PAK1IP1: variants seen among roughly 807,000 people sequenced by gnomAD.
PAK1IP1 encodes PAK1 interacting protein 1.
In PAK1IP1, 24 loss-of-function variants were observed where a neutral mutation model predicts 42.0. That is an observed-to-expected ratio of 0.57 (90% confidence interval 0.41 to 0.80). The LOEUF is 0.80. PAK1IP1 is among the 30% of genes least tolerant of loss of function. The pLI is 0.00. For missense variants in PAK1IP1, 411 were observed against 467.9 expected (o/e 0.88, Z 1.12); for synonymous variants, 154 against 156.7 (o/e 0.98, Z 0.13).
At position 10,709,673 on chromosome 6, in the gene PAK1IP1, TATATA is replaced by T. The variant is rs1770323720; in HGVS notation, c.*226_*230del. The T allele has an allele frequency of 9.6e-6, 3 of 313,244 alleles. No individual in the cohort carries two copies. The highest frequency in any genetic ancestry group is 5.5e-5 in the East Asian group (1 of 18,312). 19.4% of individuals were successfully genotyped at this position (313,244 alleles called of 1,614,324 possible). On this transcript the variant is annotated 3_prime_UTR_variant, in exon 10 of 10. Transcript: ENST00000379568. ...TTTTATGAATTATGTATCATGTTGA[TATATA>T]ATATGTTAATGTGTCATGTAATTTT...
chr6:10,693,227 A>G (rs1769510310), upstream of PAK1IP1, among the ~76,000 whole-genome samples: 1 of 152,156 alleles, frequency 6.6e-6, no homozygotes, highest in African/African-American at 2.4e-5. Flanking sequence ...GGACAACCCA[A>G]AGGCGTAAGG....
Position 10,703,401 on chromosome 6 carries a change from G to A in PAK1IP1, c.444-4G>A. On this transcript the variant is annotated splice_polypyrimidine_tract_variant and splice_region_variant and intron_variant, in intron 4 of 9. Coordinates refer to ENST00000379568, the MANE Select transcript of PAK1IP1 (RefSeq NM_017906.3). The stretch of plus-strand genomic sequence containing the variant: ...ACACCGTAAGTGAGCTTCCTGTTTT[G>A]CAGAACGTGGAATCTTGTAGAAGGA... 1.2e-6 allele frequency: 2 copies of A among 1,608,854 alleles called. No individual in the cohort carries two copies. Among genetic ancestry groups the A allele is most frequent in the Non-Finnish European group, 1.7e-6 (2 of 1,176,240 alleles).
At chr6:10,704,956 C>A in intron 7 of PAK1IP1, 112 bp downstream of exon 7, 1 of 718,604 alleles carries the variant, frequency 1.4e-6, no homozygotes. Context: ...AATAATCAGA[C>A]ATATCTACAT....
At chr6:10,703,182 T>C (rs1454153540) in intron 4 of PAK1IP1, among the ~76,000 whole-genome samples, 2 of 152,150 alleles carry the variant, frequency 1.3e-5, no homozygotes, top group African/African-American at 2.4e-5. Context: ...AAGGGAAACC[T>C]TTTGAAAATA....
intron 2 of PAK1IP1, among the ~76,000 whole-genome samples, chr6:10,700,985 C>A (rs917956055): frequency 2.0e-5 from 3 of 152,126 alleles, no homozygotes; most frequent in African/African-American, 7.2e-5. Flanking sequence ...CTTCCCGCAA[C>A]CCTTCCCCTC....
chr6:10,704,536 G>C lies in PAK1IP1; in HGVS notation c.526G>C (p.Gly176Arg), dbSNP rs754679174. The change falls in exon 6 of 10, where the codon GGA (glycine) becomes CGA (arginine). Residue 176 changes from glycine to arginine, a missense_variant. Gly to Arg is a moderately radical substitution (Grantham distance 125). Coordinates refer to ENST00000379568, the MANE Select transcript of PAK1IP1 (RefSeq NM_017906.3). Reference protein sequence around the residue: ...NAHIVEWSPRGEQYVVIIQNK... With the variant: ...NAHIVEWSPRREQYVVIIQNK... Reference sequence around the variant, plus strand: ...TCACATAGTAGAATGGTCCCCAAGAGGAGAGCAGTATGTAGTTATCATACA... The same window carrying C: ...TCACATAGTAGAATGGTCCCCAAGACGAGAGCAGTATGTAGTTATCATACA... 1 of 1,599,226 alleles carries C rather than the reference G, an allele frequency of 6.3e-7. No individual in the cohort carries two copies. Among genetic ancestry groups the C allele is most frequent in the African/African-American group, 1.3e-5 (1 of 74,606 alleles).
intron 8 of PAK1IP1, among the ~76,000 whole-genome samples, chr6:10,708,282 A>G (rs1024962902): frequency 2.0e-5 from 3 of 148,586 alleles, no homozygotes; most frequent in African/African-American, 7.7e-5. Context: ...ATATGGAATC[A>G]CACAACGTTT....
At position 10,698,287 on chromosome 6, in the gene PAK1IP1, C is replaced by T. The variant is rs78615657; in HGVS notation, c.247+801C>T. Among the ~76,000 whole-genome samples the T allele has an allele frequency of 8.4e-4, 127 of 150,794 alleles. 3 individuals carry two copies. In the East Asian group the frequency reaches 0.021, roughly 25 times the overall value. ...TGTGCCAAGAAAGTAGAAGAGAACA[C>T]CTAGTTTCAAAGATGTAGCGTCATA... On this transcript the variant is annotated intron_variant, in intron 2 of 9. Transcript: ENST00000379568.
intron 4 of PAK1IP1, 26 bp from the exon 5 acceptor site, chr6:10,703,378 AC>A: frequency 6.3e-7 from 1 of 1,583,142 alleles, no homozygotes; most frequent in Non-Finnish European, 8.7e-7. Flanking sequence ...TGGTGATCAC[AC>A]CGTAAGTGAG....
upstream of PAK1IP1, chr6:10,694,601 C>CTTGTGTAG: frequency 5.7e-6 from 1 of 175,902 alleles, no homozygotes; most frequent in Non-Finnish European, 1.2e-5. Context: ...AGCCCCTAAG[C>CTTGTGTAG]AACCGGCCGG....
At chr6:10,698,618 G>A (rs1327271716) in intron 2 of PAK1IP1, among the ~76,000 whole-genome samples, 2 of 152,206 alleles carry the variant, frequency 1.3e-5, no homozygotes, top group Non-Finnish European at 2.9e-5. Context: ...GAGGGAGCAA[G>A]CTAGCAAATG....
intron 8 of PAK1IP1, among the ~76,000 whole-genome samples, 174 bp from the exon 9 acceptor site, chr6:10,708,779 A>C (rs962526998): frequency 6.6e-6 from 1 of 152,066 alleles, no homozygotes; most frequent in Admixed American, 6.5e-5. Context: ...AGAACATGCA[A>C]AATTGGCTCT....
intron 2 of PAK1IP1, among the ~76,000 whole-genome samples, chr6:10,699,115 G>A (rs565596386): frequency 1.2e-4 from 18 of 150,056 alleles, no homozygotes; most frequent in Non-Finnish European, 1.9e-4. Flanking sequence ...CAGGAGAATC[G>A]CTTGAACCTG....
chr6:10,696,519 C>A (rs1257157451), intron 1 of PAK1IP1, among the ~76,000 whole-genome samples: 1 of 152,150 alleles, frequency 6.6e-6, no homozygotes, highest in Non-Finnish European at 1.5e-5. Flanking sequence ...CGCACTCATC[C>A]AATCAGACTT....
chr6:10,696,442 T>C (rs1386614052), intron 1 of PAK1IP1, among the ~76,000 whole-genome samples: 2 of 152,194 alleles, frequency 1.3e-5, no homozygotes, highest in African/African-American at 2.4e-5. Context: ...TACTTTTTGA[T>C]GCAGTTCCTT....
At chr6:10,693,646 T>C (rs1769556392), upstream of PAK1IP1, among the ~76,000 whole-genome samples, 5 of 152,232 alleles carry the variant, frequency 3.3e-5, no homozygotes, top group Admixed American at 3.3e-4. Context: ...ATGAGAACTA[T>C]ACGAACCAAG....
At chr6:10,704,206 A>G (rs116556311) in intron 5 of PAK1IP1, among the ~76,000 whole-genome samples, 2,067 of 151,852 alleles carry the variant, frequency 0.014, 45 homozygotes, top group African/African-American at 0.047. Context: ...ATTTTTTGGT[A>G]GAGAGATGGG....
upstream of PAK1IP1, among the ~76,000 whole-genome samples, chr6:10,693,861 T>C (rs1769582710): frequency 6.6e-6 from 1 of 152,162 alleles, no homozygotes; most frequent in Admixed American, 6.5e-5. Flanking sequence ...TCCGAGTTGC[T>C]GAGGCCACAG....
chr6:10,699,356 A>G (rs1378915496), intron 2 of PAK1IP1, among the ~76,000 whole-genome samples: 1 of 152,162 alleles, frequency 6.6e-6, no homozygotes, highest in Non-Finnish European at 1.5e-5. Flanking sequence ...AGCTTCCTAG[A>G]GGTCAAGAGT....
Sources: gnomAD v4.1 joint callset for allele counts (sites outside exome capture counted in the v4.1 genomes callset) on GRCh38, gnomAD v4.1.1 for gene constraint, MANE v1.5 for transcripts, NCBI Gene and HGNC (gene_info 2026-07-23, HGNC 2026-07-21) for gene names.